CEP76: variants seen among roughly 807,000 people sequenced by gnomAD.
CEP76 encodes the protein centrosomal protein of 76 kDa.
Under a neutral mutation model 83.3 loss-of-function variants are expected in CEP76, and 55 were observed. That is an observed-to-expected ratio of 0.66 (90% CI 0.53 to 0.83). The LOEUF is 0.83. Ranked by LOEUF, CEP76 falls within the 40% of genes least tolerant of loss-of-function variation. CEP76 has a pLI of 0.00. For missense variants in CEP76, 694 were observed against 799.5 expected, an observed-to-expected ratio of 0.87 and a Z score of 1.59; for synonymous variants, 270 against 274.5, an observed-to-expected ratio of 0.98 and a Z score of 0.16.
chr18:12,698,898 G>GA (rs913607462), intron 4 of CEP76, 81 bp downstream of exon 4: 1 of 1,047,350 alleles, frequency 9.5e-7, no homozygotes, highest in Non-Finnish European at 1.4e-6. Flanking sequence ...TCTCCTTACA[G>GA]AAAAAGTCAT....
chr18:12,697,500 C>T, intron 4 of CEP76, 92 bp from the exon 5 acceptor site: 4 of 885,910 alleles, frequency 4.5e-6, no homozygotes, highest in Non-Finnish European at 3.3e-6. Context: ...AAATAATAAG[C>T]TTATATAAAA....
At chr18:12,679,860 C>T (rs2039282427) in intron 9 of CEP76, among the ~76,000 whole-genome samples, 3 of 151,886 alleles carry the variant, frequency 2.0e-5, no homozygotes, top group Non-Finnish European at 4.4e-5. Context: ...CCCAGGAGTT[C>T]AAGACCAGCC....
intron 10 of CEP76, among the ~76,000 whole-genome samples, chr18:12,677,533 G>A (rs538777999): frequency 2.0e-5 from 3 of 149,820 alleles, no homozygotes; most frequent in African/African-American, 4.9e-5. Context: ...AAAGCCAGAC[G>A]TCTACCCAGT....
At position 12,702,550 on chromosome 18, in the gene CEP76, C is replaced by T. The variant is rs554652595; in HGVS notation, c.-2G>A. On this transcript the variant is annotated 5_prime_UTR_variant, in exon 1 of 12. Coordinates refer to ENST00000262127, the MANE Select transcript of CEP76 (RefSeq NM_024899.4). ...GGCTTTCTCCGGAGGCAGCGACATG[C>T]TGGCAGCCGGCGTCTCCCCGCCGCT... is the stretch of plus-strand genomic sequence containing the variant. 17 of 1,592,172 alleles carry T rather than the reference C, an allele frequency of 1.1e-5. No homozygotes were observed. In the East Asian group the frequency reaches 3.2e-4, roughly 30 times the overall value.
intron 10 of CEP76, 24 bp downstream of exon 10, chr18:12,678,085 T>C: frequency 6.4e-7 from 1 of 1,565,170 alleles, no homozygotes; most frequent in Non-Finnish European, 8.8e-7. Context: ...AGTATGAAAC[T>C]ACAACTATTT....
intron 10 of CEP76, among the ~76,000 whole-genome samples, chr18:12,676,211 TA>T (rs2039124291): frequency 6.6e-6 from 1 of 151,858 alleles, no homozygotes; most frequent in African/African-American, 2.4e-5. Flanking sequence ...ACAGGCACCT[TA>T]ACTTAAATAG....
At chr18:12,662,025 A>C in exon 13 of CEP76, 1 of 272,950 alleles carries the variant, frequency 3.7e-6, no homozygotes, top group South Asian at 3.3e-5. Context: ...TTTACTTCTT[A>C]TTCTTGTAGA....
At position 12,672,649 on chromosome 18, in the gene CEP76, A is replaced by T. The variant is rs921586744; in HGVS notation, c.*716T>A. ...ATCAGTGATCGACTGCAAGATCACA[A>T]TTTATCAGTATCATAACAAAGAGGT... On this transcript the variant is annotated 3_prime_UTR_variant, in exon 12 of 12. Transcript: ENST00000262127. 1.0e-6 allele frequency: 1 copy of T among 982,642 alleles called. No homozygotes were observed. The highest frequency in any genetic ancestry group is 1.1e-4 in the East Asian group (1 of 8,876). The allele number at this position is 982,642 out of a possible 1,614,324, so 60.9% of individuals were successfully genotyped here. A position where few individuals can be genotyped will look rare whatever the true frequency, so the allele number is the denominator to read the frequency against.
chr18:12,672,099 T>C (rs573585327), downstream of CEP76, among the ~76,000 whole-genome samples: 5 of 148,900 alleles, frequency 3.4e-5, no homozygotes, highest in Admixed American at 3.4e-4. Context: ...ATTACAGGTG[T>C]GAGCCACCAT....
At chr18:12,668,597 C>CAAAAAAAAAAAAAAAAAAAAAAA (rs752216074), downstream of CEP76, among the ~76,000 whole-genome samples, 3 of 72,836 alleles carry the variant, frequency 4.1e-5, no homozygotes, top group Admixed American at 2.3e-4. Context: ...GATTCCATCT[C>CAAAAAAAAAAAAAAAAAAAAAAA]AAAAAAAAAA....
At chr18:12,670,225 G>C (rs150694937), downstream of CEP76, among the ~76,000 whole-genome samples, 1,401 of 151,952 alleles carry the variant, frequency 9.2e-3, 28 homozygotes, top group African/African-American at 0.033. Context: ...AGCTACTTGG[G>C]AGGCTGAGGC....
intron 1 of CEP76, 52 bp downstream of exon 1, chr18:12,702,434 G>A (rs2040191834): frequency 1.1e-5 from 15 of 1,409,928 alleles, no homozygotes; most frequent in South Asian, 7.1e-5. Flanking sequence ...CGGGCAGGAG[G>A]GAAAGGTTAT....
chr18:12,699,749 G>A, intron 3 of CEP76, 81 bp downstream of exon 3: 1 of 762,768 alleles, frequency 1.3e-6, no homozygotes, highest in Non-Finnish European at 2.0e-6. Flanking sequence ...AAATGGAAAT[G>A]TCTTCTATCA....
chr18:12,702,730 CCGG>C, upstream of CEP76: 6 of 650,610 alleles, frequency 9.2e-6, no homozygotes, highest in Non-Finnish European at 1.5e-5. Flanking sequence ...AAATGAGGCC[CCGG>C]CGGCGGCGGC....
At chr18:12,667,302 TAA>T (rs2038822483) in intron 12 of CEP76, among the ~76,000 whole-genome samples, 1 of 152,062 alleles carries the variant, frequency 6.6e-6, no homozygotes, top group South Asian at 2.1e-4. Flanking sequence ...AAAAAAATTT[TAA>T]AAGTTAGCTG....
At chr18:12,692,131 C>G (rs2039785872) in intron 6 of CEP76, 1 of 152,154 alleles carries the variant, frequency 6.6e-6, no homozygotes, top group African/African-American at 2.4e-5. Context: ...GCCTGGCCAA[C>G]ATGGTGAAAC....
chr18:12,686,587 G>A, intron 7 of CEP76, 137 bp from the exon 8 acceptor site: 1 of 616,194 alleles, frequency 1.6e-6, no homozygotes, highest in Non-Finnish European at 2.8e-6. Flanking sequence ...GTATTTGGCT[G>A]CAAAGTGCTG....
At chr18:12,669,760 G>A (rs901374270), downstream of CEP76, among the ~76,000 whole-genome samples, 2 of 152,076 alleles carry the variant, frequency 1.3e-5, no homozygotes, top group African/African-American at 4.8e-5. Flanking sequence ...CAGCACTTTG[G>A]GAGGCCAAGG....
intron 11 of CEP76, 63 bp downstream of exon 11, chr18:12,674,473 C>T (rs532030984): frequency 1.6e-6 from 2 of 1,232,322 alleles, no homozygotes; most frequent in Admixed American, 4.5e-5. Context: ...TTAAAAAAAC[C>T]CCTGCCGGAC....
Sources: allele counts gnomAD v4.1 joint callset (sites outside exome capture counted in the v4.1 genomes callset), GRCh38; gene constraint gnomAD v4.1.1; transcripts MANE v1.5; gene names NCBI Gene and HGNC (gene_info 2026-07-23, HGNC 2026-07-21).